The following TIMM23 variants were observed in gnomAD, a reference collection of about 807,000 sequenced individuals.
TIMM23 encodes translocase of inner mitochondrial membrane 23.
Under a neutral mutation model 30.7 loss-of-function variants are expected in TIMM23, and 19 were observed. That is an observed-to-expected ratio of 0.62 (90% CI 0.43 to 0.91). The LOEUF is 0.91. TIMM23 is among the 40% of genes least tolerant of loss of function. The pLI is 0.00. For missense variants in TIMM23, 202 were observed against 269.2 expected, an observed-to-expected ratio of 0.75 and a Z score of 1.75; for synonymous variants, 78 against 98.5, an observed-to-expected ratio of 0.79 and a Z score of 1.23.
intron 6 of TIMM23, chr10:45,992,682 C>A: frequency 2.7e-6 from 1 of 374,762 alleles, no homozygotes; most frequent in South Asian, 2.0e-5. Flanking sequence ...CTCAGCTTCC[C>A]AAGTAGCTGG....
At chr10:45,978,772 AT>A (rs1416866963) in intron 2 of TIMM23, among the ~76,000 whole-genome samples, 1 of 152,034 alleles carries the variant, frequency 6.6e-6, no homozygotes, top group Non-Finnish European at 1.5e-5. Context: ...ATGACTGGCA[AT>A]TTCACTTGCG....
At chr10:45,973,147 C>A (rs1554912206) in intron 1 of TIMM23, among the ~76,000 whole-genome samples, 1 of 143,910 alleles carries the variant, frequency 6.9e-6, no homozygotes, top group Non-Finnish European at 1.5e-5. Flanking sequence ...GCCGTCAGGG[C>A]AGAATATTCA....
At position 45,972,726 on chromosome 10, in the gene TIMM23, C is replaced by T. The variant is rs782120914; in HGVS notation, c.102C>T (p.Val34=). The stretch of plus-strand genomic sequence containing the variant: ...ACTCGCACGCGGATTTGGCTGGCGT[C>T]CCGCGTAAGTATGGGGCCTAGCTTG... ...AGYSHADLAG[V]PLTGMNPLSP... is the part of the protein sequence containing the mutation. The change falls in exon 1 of 7, where the codon GTC becomes GTT. Residue 34 remains valine, a synonymous_variant. Transcript: ENST00000580018. 6.2e-7 allele frequency: 1 copy of T among 1,613,816 alleles called. No homozygotes were observed. The highest frequency in any genetic ancestry group is 8.5e-7 in the Non-Finnish European group (1 of 1,179,864).
chr10:45,990,457 T>G (rs1289402203), intron 6 of TIMM23, among the ~76,000 whole-genome samples: 4 of 151,422 alleles, frequency 2.6e-5, no homozygotes, highest in Non-Finnish European at 4.4e-5. Flanking sequence ...AGTCTCACTC[T>G]GTCATCCAGG....
chr10:45,988,865 G>C lies in TIMM23; in HGVS notation c.514+18G>C. 1 of 1,608,414 alleles carries C rather than the reference G, an allele frequency of 6.2e-7. No individual in the cohort carries two copies. Among genetic ancestry groups the C allele is most frequent in the Non-Finnish European group, 8.5e-7 (1 of 1,175,054 alleles). On this transcript the variant is annotated intron_variant, in intron 6 of 6. Transcript: ENST00000580018. ...ATGTACAGGTGAGTACTGTTGAATG[G>C]GGAGCCATCTCTTAATACACTTGAA...
At chr10:45,973,779 G>GA (rs1361374656) in intron 1 of TIMM23, among the ~76,000 whole-genome samples, 1 of 151,572 alleles carries the variant, frequency 6.6e-6, no homozygotes, top group Non-Finnish European at 1.5e-5. Context: ...AAGTAGCTGG[G>GA]ACTCTAGGTA....
chr10:45,994,191 C>T (rs1169608583), intron 6 of TIMM23, among the ~76,000 whole-genome samples: 2 of 151,764 alleles, frequency 1.3e-5, no homozygotes, highest in African/African-American at 2.4e-5. Context: ...ATACAAAAAC[C>T]AGCCGGGCAT....
chr10:45,998,991 C>T (rs1838433198), intron 6 of TIMM23, among the ~76,000 whole-genome samples: 1 of 151,936 alleles, frequency 6.6e-6, no homozygotes, highest in African/African-American at 2.4e-5. Flanking sequence ...TGCCACCACA[C>T]CTGGCTAATT....
chr10:45,996,084 T>G (rs1265867997), intron 6 of TIMM23, among the ~76,000 whole-genome samples: 81 of 148,474 alleles, frequency 5.5e-4, no homozygotes, highest in Non-Finnish European at 9.7e-4. Flanking sequence ...ATGTTAGGCC[T>G]GGCACAGTGG....
At chr10:45,975,652 A>G (rs1457004924) in intron 2 of TIMM23, 140 bp downstream of exon 2, 12 of 1,101,784 alleles carry the variant, frequency 1.1e-5, no homozygotes, top group Non-Finnish European at 1.6e-5. Context: ...TTTCCTCACA[A>G]ACACCAGGAG....
intron 6 of TIMM23, among the ~76,000 whole-genome samples, chr10:45,993,743 G>T (rs1221622026): frequency 2.6e-5 from 4 of 152,088 alleles, no homozygotes; most frequent in African/African-American, 9.7e-5. Context: ...GAAATGAAAT[G>T]AAATGATGAA....
At chr10:45,977,685 T>C (rs1837714729) in intron 2 of TIMM23, among the ~76,000 whole-genome samples, 1 of 152,238 alleles carries the variant, frequency 6.6e-6, no homozygotes, top group Admixed American at 6.5e-5. Flanking sequence ...AAAAAGAAAG[T>C]TGATAAATTG....
chr10:45,999,884 G>A (rs1365416868), intron 6 of TIMM23, among the ~76,000 whole-genome samples: 5 of 152,132 alleles, frequency 3.3e-5, no homozygotes, highest in African/African-American at 7.2e-5. Flanking sequence ...ACCCCCAGGC[G>A]CGTATTCTCT....
In TIMM23 at chr10:46,003,328, C is replaced by T. The variant is rs1554918186; in HGVS notation, c.*10C>T. ...CCAACAGTCACTCTGAAGATTTTGCCAACTCATGAATGGAGGACACTTCAG... is the reference window on the plus strand; with the variant it reads ...CCAACAGTCACTCTGAAGATTTTGCTAACTCATGAATGGAGGACACTTCAG... On this transcript the variant is annotated 3_prime_UTR_variant, in exon 7 of 7. Coordinates refer to ENST00000580018, the MANE Select transcript of TIMM23 (RefSeq NM_006327.4). 6.2e-7 allele frequency: 1 copy of T among 1,600,060 alleles called. No homozygotes were observed. Among genetic ancestry groups the T allele is most frequent in the East Asian group, 2.2e-5 (1 of 44,798 alleles).
rs1188917256 is a variant in TIMM23 at position 45,995,368 on chromosome 10, A to G, written c.514+6521A>G. 1.1e-4 allele frequency among the ~76,000 whole-genome samples: 16 copies of G among 150,734 alleles called. 1 individual carries two copies. The highest frequency in any genetic ancestry group is 3.9e-4 in the African/African-American group (16 of 40,730). Reference sequence around the variant, plus strand: ...ACTATAGTGGCTTCCCTTGTGTTAGAAAATGGAGTGGAGGGGGCTGAGCTG... The same window carrying G: ...ACTATAGTGGCTTCCCTTGTGTTAGGAAATGGAGTGGAGGGGGCTGAGCTG... On this transcript the variant is annotated intron_variant, in intron 6 of 6. Transcript: ENST00000580018.
At chr10:45,986,986 G>A (rs1318102956) in intron 5 of TIMM23, among the ~76,000 whole-genome samples, 13 of 152,218 alleles carry the variant, frequency 8.5e-5, no homozygotes, top group Non-Finnish European at 1.5e-4. Flanking sequence ...CCAGTCAGTC[G>A]TGTACCATGT....
At chr10:45,998,432 T>C in intron 6 of TIMM23, 17 of 979,926 alleles carry the variant, frequency 1.7e-5, no homozygotes, top group Non-Finnish European at 2.1e-5. Context: ...CTTTGCTTTA[T>C]AGAGATTGAC....
intron 6 of TIMM23, among the ~76,000 whole-genome samples, chr10:45,989,200 G>A (rs1838084529): frequency 6.6e-6 from 1 of 152,074 alleles, no homozygotes; most frequent in Non-Finnish European, 1.5e-5. Context: ...GGCTGCTTTA[G>A]GCACCTCATA....
rs1303516902 is a variant in TIMM23 at position 45,977,830 on chromosome 10, G to A, written c.165+2318G>A. Among the ~76,000 whole-genome samples the A allele has an allele frequency of 3.9e-3, 591 of 151,958 alleles. 2 individuals carry two copies. Among genetic ancestry groups the A allele is most frequent in the African/African-American group, 0.013 (524 of 41,456 alleles). On this transcript the variant is annotated intron_variant, in intron 2 of 6. Transcript: ENST00000580018. ...GTAGATCACCTGAGGTCAGGAGTTC[G>A]AGACCAGCCTGGCCAACATGGTGAA...
Sources: allele counts gnomAD v4.1 joint callset (sites outside exome capture counted in the v4.1 genomes callset), GRCh38; gene constraint gnomAD v4.1.1; transcripts MANE v1.5; gene names NCBI Gene and HGNC (gene_info 2026-07-23, HGNC 2026-07-21).